TRMT10B: variants seen among roughly 807,000 people sequenced by gnomAD.
TRMT10B encodes the protein tRNA methyltransferase 10B.
In TRMT10B, 33 loss-of-function variants were observed where a neutral mutation model predicts 43.8. That is an observed-to-expected ratio of 0.75 (90% confidence interval 0.57 to 1.01). The LOEUF (loss-of-function observed/expected upper bound fraction) is 1.01. Among genes scored for constraint, TRMT10B ranks in the 50% least tolerant of loss-of-function variants. The probability of loss-of-function intolerance (pLI) is 0.00; values close to 1 mark genes in which losing one functional copy is unlikely to be tolerated. For missense variants in TRMT10B, 362 were observed against 369.8 expected, an observed-to-expected ratio of 0.98 and a Z score of 0.17; for synonymous variants, 137 against 130.6, an observed-to-expected ratio of 1.05 and a Z score of -0.34.
upstream of TRMT10B, among the ~76,000 whole-genome samples, chr9:37,753,431 A>C (rs905491384): frequency 6.6e-6 from 1 of 152,180 alleles, no homozygotes; most frequent in Non-Finnish European, 1.5e-5. Flanking sequence ...TAATGGCCAT[A>C]ACTAGTTTTT....
In TRMT10B at chr9:37,768,201, G is replaced by A; in HGVS notation, c.546G>A (p.Arg182=). The change falls in exon 5 of 9, where the codon AGG becomes AGA. Residue 182 remains arginine (R), a synonymous_variant. Coordinates refer to ENST00000297994, the MANE Select transcript of TRMT10B (RefSeq NM_144964.4). ...TDSPLYEECV[R]MNDGFSSYLL... Reference sequence around the variant, plus strand: ...GTCCCCTTTATGAAGAGTGTGTGAGGATGAATGATGGATTTTCTAGTTACC... The same window carrying A: ...GTCCCCTTTATGAAGAGTGTGTGAGAATGAATGATGGATTTTCTAGTTACC... 6.2e-7 allele frequency: 1 copy of A among 1,613,414 alleles called. No homozygotes were observed. Among genetic ancestry groups the A allele is most frequent in the Non-Finnish European group, 8.5e-7 (1 of 1,179,578 alleles).
Position 37,762,055 on chromosome 9 carries a change from G to A in TRMT10B, c.124G>A (p.Asp42Asn), listed in dbSNP as rs369907737. The change falls in exon 2 of 9, where the codon GAT becomes AAT. Residue 42 changes from aspartate to asparagine, a missense_variant. By Grantham distance (23) the Asp-to-Asn change is conservative (BLOSUM62 1). Transcript: ENST00000297994. ...LPEGFQLLQI[D>N]AEGECQEGEI... Reference sequence around the variant, plus strand: ...TGAAGGCTTCCAGCTTCTGCAGATCGATGCGGAAGGCGAGTGCCAGGAGGG... The same window carrying A: ...TGAAGGCTTCCAGCTTCTGCAGATCAATGCGGAAGGCGAGTGCCAGGAGGG... 62 of 1,614,030 alleles carry A rather than the reference G, an allele frequency of 3.8e-5. No individual in the cohort carries two copies. Among genetic ancestry groups the A allele is most frequent in the Non-Finnish European group, 4.7e-5 (55 of 1,180,028 alleles).
chr9:37,768,248 T>C lies in TRMT10B; in HGVS notation c.573+20T>C. On this transcript the variant is annotated intron_variant, in intron 5 of 8. Coordinates refer to ENST00000297994, the MANE Select transcript of TRMT10B (RefSeq NM_144964.4). ...TACCTGGTAAGTCTCTTTTTGCATA[T>C]TATTTGAATTGTCATCTGAAAAGTT... The C allele has an allele frequency of 6.3e-7, 1 of 1,591,264 alleles. No individual in the cohort carries two copies. Among genetic ancestry groups the C allele is most frequent in the South Asian group, 1.1e-5 (1 of 87,596 alleles).
chr9:37,769,656 G>C (rs2118865610), intron 5 of TRMT10B: 1 of 334,180 alleles, frequency 3.0e-6, no homozygotes, highest in South Asian at 5.6e-5. Context: ...GAAGTGCAGT[G>C]GCATGATCTT....
At position 37,770,681 on chromosome 9, in the gene TRMT10B, A is replaced by AGC. The variant is rs780315684; in HGVS notation, c.662_663insGC (p.Asp221GlufsTer5). 1 of 1,613,906 alleles carries AGC rather than the reference A, an allele frequency of 6.2e-7. No homozygotes were observed. The highest frequency in any genetic ancestry group is 8.5e-7 in the Non-Finnish European group (1 of 1,180,006). The stretch of plus-strand genomic sequence containing the variant: ...TTCATTTTTTCATTAGCTCTTGAAG[A>AGC]TGTTGATCTAAACAAAGTTTACATC... On this transcript the variant is annotated frameshift_variant, in exon 7 of 9. Coordinates refer to ENST00000297994, the MANE Select transcript of TRMT10B (RefSeq NM_144964.4). LOFTEE classifies it high-confidence loss of function.
At chr9:37,763,866 G>T in intron 4 of TRMT10B, 113 bp downstream of exon 4, 2 of 1,590,856 alleles carry the variant, frequency 1.3e-6, no homozygotes, top group Non-Finnish European at 1.7e-6. Context: ...TAGTAAACTA[G>T]TAAAGTGTTT....
At position 37,778,503 on chromosome 9, in the gene TRMT10B, A is replaced by AG. The variant is rs946544012; in HGVS notation, c.*800dup. 10 of 151,262 alleles carry AG rather than the reference A, an allele frequency of 6.6e-5. No individual in the cohort carries two copies. Among genetic ancestry groups the AG allele is most frequent in the Admixed American group, 1.3e-4 (2 of 15,188 alleles). The allele number at this position is 151,262 out of a possible 1,614,324, so 9.4% of individuals were successfully genotyped here. ...GCGACAGAGCCAGACTCTTGTCTCG[A>AG]GGGGAAAAAAAAAAAAAATTATGTA... On this transcript the variant is annotated 3_prime_UTR_variant, in exon 9 of 9. Coordinates refer to ENST00000297994, the MANE Select transcript of TRMT10B (RefSeq NM_144964.4).
intron 4 of TRMT10B, among the ~76,000 whole-genome samples, chr9:37,765,861 G>GT (rs1243236535): frequency 6.6e-6 from 1 of 150,896 alleles, no homozygotes; most frequent in Non-Finnish European, 1.5e-5. Context: ...TTTTTCATGT[G>GT]TTTTTTGGCT....
chr9:37,764,908 C>A (rs1257341647), intron 4 of TRMT10B, among the ~76,000 whole-genome samples: 1 of 151,912 alleles, frequency 6.6e-6, no homozygotes, highest in Non-Finnish European at 1.5e-5. Context: ...TACAGGGCCA[C>A]GTGGGGATTG....
intron 1 of TRMT10B, among the ~76,000 whole-genome samples, chr9:37,755,779 A>G (rs1816460776): frequency 6.6e-6 from 1 of 152,182 alleles, no homozygotes; most frequent in African/African-American, 2.4e-5. Context: ...AAAGGAGGGG[A>G]AAAGAAAGGA....
intron 4 of TRMT10B, among the ~76,000 whole-genome samples, chr9:37,764,204 A>G (rs369819600): frequency 1.3e-5 from 2 of 152,074 alleles, no homozygotes; most frequent in East Asian, 3.9e-4. Context: ...GCTGGAGTAC[A>G]ATGGCAAAAT....
chr9:37,758,895 G>A (rs1483274476), intron 1 of TRMT10B, among the ~76,000 whole-genome samples: 3 of 152,178 alleles, frequency 2.0e-5, no homozygotes, highest in Admixed American at 1.3e-4. Context: ...TACAGAGTAC[G>A]TCTGTGTCAC....
At chr9:37,759,633 C>T (rs149481709) in intron 1 of TRMT10B, among the ~76,000 whole-genome samples, 3 of 152,274 alleles carry the variant, frequency 2.0e-5, no homozygotes, top group South Asian at 4.1e-4. Context: ...GCCTGGTCAA[C>T]ATGGTGAAAT....
intron 5 of TRMT10B, among the ~76,000 whole-genome samples, chr9:37,769,101 A>T (rs1827273365): frequency 6.6e-6 from 1 of 151,798 alleles, no homozygotes; most frequent in African/African-American, 2.4e-5. Context: ...TGAGCTCAGG[A>T]GCTCGAGACT....
At position 37,753,863 on chromosome 9, in the gene TRMT10B, C is replaced by G. The variant is rs1419107800; in HGVS notation, c.-30+11C>G. 1.3e-5 allele frequency: 2 copies of G among 152,222 alleles called. No homozygotes were observed. The highest frequency in any genetic ancestry group is 4.8e-5 in the African/African-American group (2 of 41,428). The allele number at this position is 152,222 out of a possible 1,614,324, so 9.4% of individuals were successfully genotyped here. ...GGGTGAGGGGATCAGGTACGCTGTC[C>G]GCTGGTTAAGGGGGCTGGCTGGGGG... On this transcript the variant is annotated intron_variant, in intron 1 of 8. Transcript: ENST00000297994.
intron 1 of TRMT10B, among the ~76,000 whole-genome samples, chr9:37,758,284 C>T (rs1825930260): frequency 1.3e-5 from 2 of 152,082 alleles, no homozygotes; most frequent in South Asian, 2.1e-4. Flanking sequence ...TGGTGGTGTG[C>T]ACCTGTAGTC....
chr9:37,774,805 G>C (rs1051932744), intron 7 of TRMT10B, among the ~76,000 whole-genome samples: 2 of 152,160 alleles, frequency 1.3e-5, no homozygotes, highest in African/African-American at 4.8e-5. Context: ...ATTCCACCTG[G>C]TTAGACCATA....
chr9:37,768,191 A>C lies in TRMT10B; in HGVS notation c.536A>C (p.Glu179Ala), dbSNP rs1563997568. The C allele has an allele frequency of 6.2e-7, 1 of 1,614,068 alleles. No individual in the cohort carries two copies. The change falls in exon 5 of 9, where the codon GAG becomes GCG. Residue 179 changes from glutamate to alanine, a missense_variant. Glu to Ala is a moderately radical substitution (Grantham distance 107). Transcript: ENST00000297994. ...GFTTDSPLYE[E>A]CVRMNDGFSS... ...ACAACAGACAGTCCCCTTTATGAAG[A>C]GTGTGTGAGGATGAATGATGGATTT...
upstream of TRMT10B, among the ~76,000 whole-genome samples, chr9:37,753,012 G>T (rs7861025): frequency 5.9e-5 from 9 of 151,980 alleles, no homozygotes; most frequent in Admixed American, 5.2e-4. Context: ...TATAACACTC[G>T]CCGTGAAGAT....
Sources: allele counts gnomAD v4.1 joint callset (sites outside exome capture counted in the v4.1 genomes callset), GRCh38; gene constraint gnomAD v4.1.1; transcripts MANE v1.5; gene names NCBI Gene and HGNC (gene_info 2026-07-23, HGNC 2026-07-21).